The following KCNC2 variants were observed in gnomAD, a reference collection of about 807,000 sequenced individuals.
The protein encoded by KCNC2 is potassium voltage-gated channel subfamily C member 2, also known as voltage-gated potassium channel KCNC2.
A neutral mutation model predicts 44.5 loss-of-function variants in KCNC2; 21 were observed. The observed-to-expected ratio is 0.47, with a 90% CI of 0.33 to 0.68. The LOEUF (loss-of-function observed/expected upper bound fraction) is 0.68. Ranked by LOEUF, KCNC2 falls within the 30% of genes least tolerant of loss-of-function variation. The pLI, the probability that KCNC2 is intolerant of heterozygous loss-of-function variation, is 0.01. For missense variants in KCNC2, 589 were observed against 826.2 expected, an observed-to-expected ratio of 0.71 and a Z score of 3.52; for synonymous variants, 391 against 339.1, an observed-to-expected ratio of 1.15 and a Z score of -1.68.
intron 2 of KCNC2, among the ~76,000 whole-genome samples, chr12:75,195,262 C>CA (rs1186257948): frequency 6.6e-6 from 1 of 151,912 alleles, no homozygotes; most frequent in Non-Finnish European, 1.5e-5. Flanking sequence ...TTACATTAAC[C>CA]AAAAATCTTA....
At chr12:75,186,691 A>C (rs1030055522) in intron 2 of KCNC2, among the ~76,000 whole-genome samples, 3 of 152,208 alleles carry the variant, frequency 2.0e-5, no homozygotes, top group Non-Finnish European at 4.4e-5. Context: ...ATTTCAGCAG[A>C]CTTCCCCTTG....
In KCNC2 at chr12:75,052,345, A is replaced by T. The variant is rs12312766; in HGVS notation, c.688-1028T>A. 8.3e-3 allele frequency among the ~76,000 whole-genome samples: 1,259 copies of T among 152,208 alleles called. 19 individuals carry two copies. Among genetic ancestry groups the T allele is most frequent in the African/African-American group, 0.029 (1,195 of 41,550 alleles). On this transcript the variant is annotated intron_variant, in intron 2 of 4. Coordinates refer to ENST00000549446, the MANE Select transcript of KCNC2 (RefSeq NM_139137.4). ...CAGATTCTGTTCCCCTCACTTACCA[A>T]ACTCTCAAATGCAGAATACAAATGT...
At chr12:75,121,274 C>G (rs1435109827) in intron 2 of KCNC2, among the ~76,000 whole-genome samples, 4 of 152,130 alleles carry the variant, frequency 2.6e-5, no homozygotes, top group African/African-American at 9.7e-5. Context: ...ATAAAGAAAC[C>G]AAGCATTCTG....
At chr12:75,187,238 C>A (rs954974912) in intron 2 of KCNC2, among the ~76,000 whole-genome samples, 1 of 152,144 alleles carries the variant, frequency 6.6e-6, no homozygotes, top group African/African-American at 2.4e-5. Flanking sequence ...TGACTCAGTA[C>A]CCAAATGCAA....
At chr12:75,132,917 C>T (rs1888956114) in intron 2 of KCNC2, among the ~76,000 whole-genome samples, 1 of 152,050 alleles carries the variant, frequency 6.6e-6, no homozygotes, top group South Asian at 2.1e-4. Context: ...CTCGACACTG[C>T]TTTCATTCAT....
intron 2 of KCNC2, among the ~76,000 whole-genome samples, chr12:75,106,962 T>C (rs547513457): frequency 3.9e-5 from 6 of 152,160 alleles, no homozygotes; most frequent in Non-Finnish European, 8.8e-5. Context: ...TATCAGCAAA[T>C]TTAATGTTGA....
chr12:75,121,625 T>C (rs1888051300), intron 2 of KCNC2, among the ~76,000 whole-genome samples: 2 of 152,168 alleles, frequency 1.3e-5, no homozygotes, highest in African/African-American at 2.4e-5. Flanking sequence ...TTGTATTAGT[T>C]GGGTTAATAT....
chr12:75,175,824 AG>A (rs1376636395), intron 2 of KCNC2, among the ~76,000 whole-genome samples: 3 of 152,114 alleles, frequency 2.0e-5, no homozygotes, highest in Non-Finnish European at 4.4e-5. Flanking sequence ...ATCAAAGTCA[AG>A]TATTCAATAA....
intron 1 of KCNC2, 132 bp from the exon 2 acceptor site, chr12:75,208,134 C>T (rs1306115518): frequency 5.0e-6 from 5 of 995,280 alleles, no homozygotes; most frequent in Non-Finnish European, 5.8e-6. Context: ...AGACCCTCCC[C>T]GGGAGGGGAT....
intron 2 of KCNC2, among the ~76,000 whole-genome samples, chr12:75,067,750 T>A (rs1459559272): frequency 6.6e-6 from 1 of 152,200 alleles, no homozygotes; most frequent in African/African-American, 2.4e-5. Flanking sequence ...GTAGCTCCTC[T>A]CGCTGTAACT....
At chr12:75,053,365 C>T (rs1270430363) in intron 2 of KCNC2, among the ~76,000 whole-genome samples, 2 of 151,880 alleles carry the variant, frequency 1.3e-5, no homozygotes, top group Non-Finnish European at 2.9e-5. Flanking sequence ...TAGCTCACTA[C>T]CTCCTTAGTA....
At chr12:75,166,039 G>T (rs1303115153) in intron 2 of KCNC2, among the ~76,000 whole-genome samples, 1 of 151,216 alleles carries the variant, frequency 6.6e-6, no homozygotes, top group African/African-American at 2.4e-5. Flanking sequence ...AAGCAAAAAA[G>T]TTGAAAGTAA....
chr12:75,050,786 C>T lies in KCNC2; in HGVS notation c.1219G>A (p.Gly407Arg). ...GCTGAAGGGTCGTTAGGTTGAGCTC[C>T]CACTCTCTCGGCATAGTAGATCATG... Reference protein sequence around the residue: ...ATMIYYAERVGAQPNDPSASE... With the variant: ...ATMIYYAERVRAQPNDPSASE... The change falls in exon 3 of 5, where the codon GGA becomes AGA. Residue 407 changes from glycine to arginine, a missense_variant. Transcript: ENST00000549446. 6.2e-7 allele frequency: 1 copy of T among 1,613,408 alleles called. No homozygotes were observed. The highest frequency in any genetic ancestry group is 8.5e-7 in the Non-Finnish European group (1 of 1,179,828).
intron 2 of KCNC2, among the ~76,000 whole-genome samples, chr12:75,053,141 T>C (rs935407702): frequency 1.3e-5 from 2 of 152,164 alleles, no homozygotes; most frequent in Non-Finnish European, 2.9e-5. Context: ...TCAGTTATCC[T>C]CTATTCATAA....
At chr12:75,196,260 G>T (rs538411766) in intron 2 of KCNC2, among the ~76,000 whole-genome samples, 21 of 152,034 alleles carry the variant, frequency 1.4e-4, no homozygotes, top group East Asian at 5.8e-4. Context: ...TATGTATATT[G>T]GATATTATTT....
Position 75,087,159 on chromosome 12 carries a change from T to G in KCNC2, c.688-35842A>C, listed in dbSNP as rs147396236. On this transcript the variant is annotated intron_variant, in intron 2 of 4. Coordinates refer to ENST00000549446, the MANE Select transcript of KCNC2 (RefSeq NM_139137.4). ...GAAATTTCAAAAATATTAAACCATT[T>G]TATCTTTACACTGTTCCTATAAGCC... Among the ~76,000 whole-genome samples, 10 of 152,228 alleles carry G rather than the reference T, an allele frequency of 6.6e-5. No homozygotes were observed. In the East Asian group the frequency reaches 1.9e-3, roughly 29 times the overall value.
At chr12:75,147,242 G>A (rs906554150) in intron 2 of KCNC2, among the ~76,000 whole-genome samples, 2 of 152,030 alleles carry the variant, frequency 1.3e-5, no homozygotes, top group Non-Finnish European at 2.9e-5. Context: ...TTTACAGACA[G>A]AAACATGAAA....
chr12:75,184,457 G>A (rs1316475063), intron 2 of KCNC2, among the ~76,000 whole-genome samples: 1 of 152,016 alleles, frequency 6.6e-6, no homozygotes, highest in Non-Finnish European at 1.5e-5. Context: ...ACTGGTTTAT[G>A]TTCTTCTATG....
intron 2 of KCNC2, among the ~76,000 whole-genome samples, chr12:75,107,932 A>C (rs1467028261): frequency 6.6e-6 from 1 of 152,200 alleles, no homozygotes; most frequent in Non-Finnish European, 1.5e-5. Context: ...TTCTATATTC[A>C]CATTATAAAA....
Sources: allele counts gnomAD v4.1 joint callset (sites outside exome capture counted in the v4.1 genomes callset), GRCh38; gene constraint gnomAD v4.1.1; transcripts MANE v1.5; gene names NCBI Gene and HGNC (gene_info 2026-07-23, HGNC 2026-07-21).